WRN: variants seen among roughly 807,000 people sequenced by gnomAD.
WRN encodes WRN RecQ like helicase.
A neutral mutation model predicts 180.7 loss-of-function variants in WRN; 149 were observed. That is an observed-to-expected ratio of 0.82 (90% CI 0.72 to 0.94). WRN has a LOEUF of 0.94. Ranked by LOEUF, WRN falls within the 40% of genes least tolerant of loss-of-function variation. The pLI is 0.00. For missense variants in WRN, 1,661 were observed against 1,700.1 expected (o/e 0.98, Z 0.40); for synonymous variants, 548 against 568.9 (o/e 0.96, Z 0.52).
chr8:31,068,441 C>A, intron 7 of WRN, 114 bp downstream of exon 7: 1 of 847,346 alleles, frequency 1.2e-6, no homozygotes, highest in Non-Finnish European at 1.9e-6. Context: ...TCTTGAATGT[C>A]TGAGCAGTCC....
chr8:31,119,710 G>A (rs1288461868), intron 20 of WRN, among the ~76,000 whole-genome samples: 2 of 151,394 alleles, frequency 1.3e-5, no homozygotes, highest in Admixed American at 1.3e-4. Context: ...AATTTTCTAT[G>A]TCTTATCACT....
chr8:31,087,091 A>G (rs1661961175), intron 11 of WRN, among the ~76,000 whole-genome samples: 1 of 152,118 alleles, frequency 6.6e-6, no homozygotes, highest in African/African-American at 2.4e-5. Context: ...AATATTAAAT[A>G]AAAGATTTAA....
chr8:31,062,813 T>C (rs1812539584), intron 3 of WRN, among the ~76,000 whole-genome samples: 1 of 152,258 alleles, frequency 6.6e-6, no homozygotes, highest in East Asian at 1.9e-4. Context: ...CTGAGATAAC[T>C]TCTATGAGTT....
chr8:31,123,841 C>G (rs190930483), intron 21 of WRN, among the ~76,000 whole-genome samples: 26 of 152,188 alleles, frequency 1.7e-4, no homozygotes, highest in Non-Finnish European at 3.1e-4. Context: ...TAGAAATTAA[C>G]AGAGTCATGA....
intron 23 of WRN, among the ~76,000 whole-genome samples, chr8:31,125,783 A>T (rs1299459207): frequency 6.6e-6 from 1 of 150,384 alleles, no homozygotes. Context: ...CACTGAGTGG[A>T]TGAGGCCCAC....
chr8:31,163,106 A>G (rs1201442426), intron 33 of WRN, among the ~76,000 whole-genome samples: 7 of 152,230 alleles, frequency 4.6e-5, no homozygotes, highest in Non-Finnish European at 8.8e-5. Context: ...GTGTGTGTGC[A>G]CACGCGCACG....
chr8:31,101,866 A>G (rs1585457399), intron 18 of WRN, among the ~76,000 whole-genome samples: 1 of 151,452 alleles, frequency 6.6e-6, no homozygotes, highest in South Asian at 2.1e-4. Context: ...TGAATGGTTT[A>G]AAAACCCACA....
At chr8:31,063,360 A>G (rs1014124521) in intron 3 of WRN, among the ~76,000 whole-genome samples, 1 of 152,184 alleles carries the variant, frequency 6.6e-6, no homozygotes, top group African/African-American at 2.4e-5. Flanking sequence ...GGTTCAATCC[A>G]TTCTCTTGTT....
chr8:31,087,802 G>A lies in WRN; in HGVS notation c.1458G>A (p.Thr486=), dbSNP rs764818941. The A allele has an allele frequency of 1.4e-5, 23 of 1,613,348 alleles. No homozygotes were observed. Among genetic ancestry groups the A allele is most frequent in the African/African-American group, 4.0e-5 (3 of 74,866 alleles). The change falls in exon 12 of 35, where the codon ACG becomes ACA. Residue 486 remains threonine, a synonymous_variant. Transcript: ENST00000298139. Reference sequence around the variant, plus strand: ...CTTTAGAAAACCTCAATAGTGGCACGGTAGAACCAACTCATTCTAAATGCT... The same window carrying A: ...CTTTAGAAAACCTCAATAGTGGCACAGTAGAACCAACTCATTCTAAATGCT... The part of the protein sequence containing the change: ...LKSLENLNSG[T]VEPTHSKCLK...
chr8:31,150,263 C>G (rs1585527146), intron 30 of WRN, 78 bp from the exon 31 acceptor site: 1 of 1,167,136 alleles, frequency 8.6e-7, no homozygotes. Context: ...AGCTGAACAT[C>G]AGCTATATTG....
intron 5 of WRN, among the ~76,000 whole-genome samples, chr8:31,065,397 C>A (rs1480012130): frequency 6.6e-6 from 1 of 152,116 alleles, no homozygotes; most frequent in Non-Finnish European, 1.5e-5. Flanking sequence ...CTCCTCCCAC[C>A]CTCCACCTCC....
chr8:31,119,991 C>T, intron 20 of WRN: 1 of 461,538 alleles, frequency 2.2e-6, no homozygotes, highest in South Asian at 2.2e-5. Context: ...GTCTTGTATT[C>T]ATAGGAGTTC....
chr8:31,096,084 T>C (rs1813959530), intron 16 of WRN, among the ~76,000 whole-genome samples: 1 of 152,240 alleles, frequency 6.6e-6, no homozygotes, highest in Non-Finnish European at 1.5e-5. Context: ...GAGCTTATTC[T>C]TTATACCATT....
Position 31,069,466 on chromosome 8 carries a change from C to CA in WRN, c.724+1150dup, listed in dbSNP as rs547541948. ...AACCACAGATTGAGAACATTCAAGCCAAAAAAAAAAATTCACAGTTTTAAA... is the reference window on the plus strand; with the variant it reads ...AACCACAGATTGAGAACATTCAAGCCAAAAAAAAAAAATTCACAGTTTTAAA... On this transcript the variant is annotated intron_variant, in intron 7 of 34. Coordinates refer to ENST00000298139, the MANE Select transcript of WRN (RefSeq NM_000553.6). 1.4e-3 allele frequency among the ~76,000 whole-genome samples: 208 copies of CA among 143,980 alleles called. 2 individuals are homozygous for CA. Among genetic ancestry groups the CA allele is most frequent in the South Asian group, 0.011 (52 of 4,562 alleles). The allele number at this position is 143,980 out of a possible 152,430, so 94.5% of individuals were successfully genotyped here.
chr8:31,057,402 C>T (rs1043180361), intron 1 of WRN, among the ~76,000 whole-genome samples: 14 of 151,968 alleles, frequency 9.2e-5, no homozygotes, highest in African/African-American at 3.1e-4. Context: ...AACCCCGTCG[C>T]TACTAAAACA....
At chr8:31,104,312 T>C (rs996284039) in intron 18 of WRN, among the ~76,000 whole-genome samples, 2 of 152,226 alleles carry the variant, frequency 1.3e-5, no homozygotes, top group South Asian at 2.1e-4. Flanking sequence ...TCATGGCTAA[T>C]GATGGTGAAC....
chr8:31,152,263 G>A (rs1240947569), intron 31 of WRN, among the ~76,000 whole-genome samples: 7 of 151,908 alleles, frequency 4.6e-5, no homozygotes, highest in African/African-American at 9.7e-5. Flanking sequence ...CCTGGGAGGC[G>A]GAGCTTGGAG....
intron 1 of WRN, among the ~76,000 whole-genome samples, chr8:31,047,724 C>T (rs1476650162): frequency 6.6e-6 from 1 of 152,158 alleles, no homozygotes; most frequent in Non-Finnish European, 1.5e-5. Context: ...ACAACCTAAG[C>T]AACTTTTTAA....
intron 23 of WRN, among the ~76,000 whole-genome samples, chr8:31,130,023 A>AAC (rs1491301295): frequency 3.5e-5 from 5 of 142,198 alleles, no homozygotes; most frequent in East Asian, 2.0e-4. Context: ...AACAAAACAA[A>AAC]ACAAAAAAAA....
Sources: allele counts gnomAD v4.1 joint callset (sites outside exome capture counted in the v4.1 genomes callset), GRCh38; gene constraint gnomAD v4.1.1; transcripts MANE v1.5; gene names NCBI Gene and HGNC (gene_info 2026-07-23, HGNC 2026-07-21).